ATP5PD: variants seen among roughly 807,000 people sequenced by gnomAD.
The protein encoded by ATP5PD is ATP synthase peripheral stalk subunit d, mitochondrial.
A neutral mutation model predicts 22.6 loss-of-function variants in ATP5PD; 13 were observed. The ratio of observed to expected loss-of-function variants is 0.58; its 90% CI spans 0.37 to 0.91. ATP5PD has a LOEUF of 0.91. ATP5PD is among the 40% of genes least tolerant of loss of function. ATP5PD has a pLI of 0.00. For synonymous variants in ATP5PD, 51 were observed against 65.0 expected (o/e 0.79, Z 1.03); for missense variants, 165 against 188.0 (o/e 0.88, Z 0.72).
chr17:75,042,414 G>T, intron 2 of ATP5PD, 115 bp downstream of exon 2: 1 of 1,512,834 alleles, frequency 6.6e-7, no homozygotes, highest in East Asian at 2.3e-5. Context: ...GAAAATGCAA[G>T]GATTTCTTTA....
At chr17:75,046,624 C>CA (rs2073221045) in intron 1 of ATP5PD, among the ~76,000 whole-genome samples, 2 of 152,234 alleles carry the variant, frequency 1.3e-5, no homozygotes, top group African/African-American at 4.8e-5. Flanking sequence ...CCAGTCCCCC[C>CA]ACCAAACTAT....
In ATP5PD at chr17:75,042,541, G is replaced by C. The variant is rs1567987792; in HGVS notation, c.110C>G (p.Thr37Ser). 1 of 1,612,112 alleles carries C rather than the reference G, an allele frequency of 6.2e-7. No homozygotes were observed. Among genetic ancestry groups the C allele is most frequent in the Admixed American group, 1.7e-5 (1 of 59,882 alleles). Residue 37 changes from threonine to serine, a missense_variant, in exon 2 of 6, where the codon ACC (threonine) becomes AGC (serine). Physicochemically the swap from Thr to Ser is moderately conservative, Grantham distance 58. Coordinates refer to ENST00000301587, the MANE Select transcript of ATP5PD (RefSeq NM_006356.3). ...GAAACATACTGACCTGGAGGTGAGG[G>C]TCTCATTCCAGGATTTCAGGGAACT... ...IASSLKSWNE[T>S]LTSRLAALPE... is the part of the protein sequence containing the mutation.
Position 75,042,103 on chromosome 17 carries a change from G to A in ATP5PD, c.219+78C>T, listed in dbSNP as rs1567987594. 5.6e-6 allele frequency: 7 copies of A among 1,257,822 alleles called. No homozygotes were observed. The East Asian group carries it at 1.2e-4, about 21-fold the overall frequency. The allele number at this position is 1,257,822 out of a possible 1,614,324, so 77.9% of individuals were successfully genotyped here. A position where few individuals can be genotyped will look rare whatever the true frequency, so the allele number is the denominator to read the frequency against. On this transcript the variant is annotated intron_variant, in intron 3 of 5. Coordinates refer to ENST00000301587, the MANE Select transcript of ATP5PD (RefSeq NM_006356.3). ...CTTAGGGATCTGGCTGTCATGCTGTGTATGTAATTATCCCTGTTCCTGCTC... is the reference window on the plus strand; with the variant it reads ...CTTAGGGATCTGGCTGTCATGCTGTATATGTAATTATCCCTGTTCCTGCTC...
At chr17:75,041,458 A>C (rs1227416714) in intron 3 of ATP5PD, 3 of 151,594 alleles carry the variant, frequency 2.0e-5, no homozygotes, top group East Asian at 1.9e-4. Context: ...AAAAAAAAAA[A>C]AAAAACAAAA....
chr17:75,040,256 C>G lies in ATP5PD; in HGVS notation c.220-93G>C. 2.7e-6 allele frequency: 4 copies of G among 1,464,696 alleles called. No individual in the cohort carries two copies. In the South Asian group the frequency reaches 4.6e-5, roughly 17 times the overall value. 90.7% of individuals were successfully genotyped at this position (1,464,696 alleles called of 1,614,324 possible). On this transcript the variant is annotated intron_variant, in intron 3 of 5. Transcript: ENST00000301587. ...CCAATACACCCAGGAGCTCAAAGGG[C>G]TGGAAGCTACGAATCCTTAAAGGTC...
chr17:75,042,437 A>C, intron 2 of ATP5PD, 92 bp downstream of exon 2: 1 of 1,544,010 alleles, frequency 6.5e-7, no homozygotes, highest in Middle Eastern at 1.7e-4. Context: ...TGTTGTCATA[A>C]GGGCATCAAG....
At chr17:75,042,102 T>G in intron 3 of ATP5PD, 79 bp downstream of exon 3, 1 of 1,239,466 alleles carries the variant, frequency 8.1e-7, no homozygotes, top group Admixed American at 2.0e-5. Context: ...TGTCATGCTG[T>G]GTATGTAATT....
At chr17:75,039,828 C>T (rs1050574082) in intron 4 of ATP5PD, 6 of 469,116 alleles carry the variant, frequency 1.3e-5, no homozygotes, top group Non-Finnish European at 2.3e-5. Context: ...CTCAACCATC[C>T]CCAGGCAGCC....
At chr17:75,044,029 T>G (rs1428911441) in intron 1 of ATP5PD, among the ~76,000 whole-genome samples, 1 of 151,060 alleles carries the variant, frequency 6.6e-6, no homozygotes, top group African/African-American at 2.4e-5. Flanking sequence ...TGCACTTTTT[T>G]TTTTTTTTTT....
At position 75,039,199 on chromosome 17, in the gene ATP5PD, T is replaced by C. The variant is rs748293657; in HGVS notation, c.354+10A>G. 2 of 1,613,966 alleles carry C rather than the reference T, an allele frequency of 1.2e-6. No individual in the cohort carries two copies. The highest frequency in any genetic ancestry group is 2.2e-5 in the South Asian group (2 of 91,084). ...CCATATTATAGGCAACGGCTACCCA[T>C]CATCCTTACCTCTTTCTCATATTCT... On this transcript the variant is annotated intron_variant, in intron 5 of 5. Transcript: ENST00000301587.
chr17:75,045,797 C>T (rs2073209094), intron 1 of ATP5PD, among the ~76,000 whole-genome samples: 1 of 152,204 alleles, frequency 6.6e-6, no homozygotes, highest in Non-Finnish European at 1.5e-5. Context: ...GAACGATATA[C>T]ATCCTCAACT....
chr17:75,043,745 G>A (rs2073184395), intron 1 of ATP5PD, among the ~76,000 whole-genome samples: 1 of 151,984 alleles, frequency 6.6e-6, no homozygotes, highest in Non-Finnish European at 1.5e-5. Context: ...TTTATTCACT[G>A]ATTCTCCAGT....
At chr17:75,044,023 C>CTT (rs11312083) in intron 1 of ATP5PD, among the ~76,000 whole-genome samples, 9 of 127,696 alleles carry the variant, frequency 7.0e-5, no homozygotes, top group Admixed American at 1.5e-4. Context: ...ACGTTGTGCA[C>CTT]TTTTTTTTTT....
At chr17:75,039,674 C>G in intron 4 of ATP5PD, 1 of 271,266 alleles carries the variant, frequency 3.7e-6, no homozygotes, top group South Asian at 5.6e-5. Context: ...TTGAATACTA[C>G]TTGGGTAATT....
intron 4 of ATP5PD, chr17:75,039,772 G>T: frequency 3.0e-6 from 1 of 338,556 alleles, no homozygotes; most frequent in South Asian, 5.0e-5. Flanking sequence ...AACACCATTT[G>T]ATAAGTTTTG....
chr17:75,039,112 C>T (rs1443619628), intron 5 of ATP5PD, 49 bp from the exon 6 acceptor site: 3 of 1,612,070 alleles, frequency 1.9e-6, no homozygotes, highest in East Asian at 4.5e-5. Context: ...AGACGGAAAG[C>T]AGAATATCCA....
In ATP5PD at chr17:75,038,903, A is replaced by G; in HGVS notation, c.*29T>C. ...TTTAATGTCCAGAATGTGTAATACA[A>G]GGGCCAGAGCTTCCTCCTGGACTCA... On this transcript the variant is annotated 3_prime_UTR_variant, in exon 6 of 6. Transcript: ENST00000301587. 1 of 1,600,828 alleles carries G rather than the reference A, an allele frequency of 6.2e-7. No individual in the cohort carries two copies. Among genetic ancestry groups the G allele is most frequent in the Non-Finnish European group, 8.5e-7 (1 of 1,174,974 alleles).
chr17:75,040,210 C>A (rs1259268947), intron 3 of ATP5PD, 47 bp from the exon 4 acceptor site: 2 of 1,610,962 alleles, frequency 1.2e-6, no homozygotes, highest in Non-Finnish European at 1.7e-6. Context: ...AAACTACAAA[C>A]ACAAGGACAG....
At position 75,040,124 on chromosome 17, in the gene ATP5PD, T is replaced by C. The variant is rs1222768164; in HGVS notation, c.259A>G (p.Thr87Ala). The part of the protein sequence containing the change: ...LKVPVPEDKY[T>A]AQVDAEEKED... Reference sequence around the variant, plus strand: ...TTTTCTTCGGCATCCACCTGGGCAGTATATTTATCCTCTGGCACGGGAACC... The same window carrying C: ...TTTTCTTCGGCATCCACCTGGGCAGCATATTTATCCTCTGGCACGGGAACC... Residue 87 changes from threonine (T) to alanine (A), a missense_variant, in exon 4 of 6, where the codon ACT becomes GCT. Thr to Ala is a moderately conservative substitution (Grantham distance 58). Coordinates refer to ENST00000301587, the MANE Select transcript of ATP5PD (RefSeq NM_006356.3). 3.1e-6 allele frequency: 5 copies of C among 1,612,788 alleles called. No homozygotes were observed. In the South Asian group the frequency reaches 3.3e-5, roughly 11 times the overall value.
Sources: allele counts gnomAD v4.1 joint callset (sites outside exome capture counted in the v4.1 genomes callset), GRCh38; gene constraint gnomAD v4.1.1; transcripts MANE v1.5; gene names NCBI Gene and HGNC (gene_info 2026-07-23, HGNC 2026-07-21).